Variants in CACUL1 observed in about 807,000 individuals in gnomAD.
CACUL1 encodes CDK2 associated cullin domain 1.
In CACUL1, 13 loss-of-function variants were observed where a neutral mutation model predicts 45.2. That is an observed-to-expected ratio of 0.29 (90% CI 0.19 to 0.46). CACUL1 has a LOEUF of 0.46. Among genes scored for constraint, CACUL1 ranks in the 20% least tolerant of loss-of-function variants. The pLI, the probability that CACUL1 is intolerant of heterozygous loss-of-function variation, is 1.00. For synonymous variants in CACUL1, 197 were observed against 174.2 expected (o/e 1.13, Z -1.03); for missense variants, 421 against 471.4 (o/e 0.89, Z 0.99).
rs779897372 is a variant in CACUL1 at position 118,730,348 on chromosome 10, T to C, written c.430A>G (p.Ile144Val). The part of the protein sequence containing the change: ...STYWPKLDGA[I>V]DQLLTQSPGD... Reference sequence around the variant, plus strand: ...GGACTCTGAGTTAAAAGTTGATCTATGGCACCATCCAATTTTGGCCAGTAT... The same window carrying C: ...GGACTCTGAGTTAAAAGTTGATCTACGGCACCATCCAATTTTGGCCAGTAT... The change falls in exon 2 of 9, where the codon ATA becomes GTA. Residue 144 changes from isoleucine to valine, a missense_variant. This residue lies in a region of CACUL1 where 208 missense variants were observed against 298.4 expected (regional missense o/e 0.70). Coordinates refer to ENST00000369151, the MANE Select transcript of CACUL1 (RefSeq NM_153810.5). 1.9e-6 allele frequency: 3 copies of C among 1,613,928 alleles called. No homozygotes were observed. Among genetic ancestry groups the C allele is most frequent in the Non-Finnish European group, 2.5e-6 (3 of 1,179,766 alleles).
rs1491345035 is a variant in CACUL1 at position 118,680,307 on chromosome 10, AAG to A, written c.*5819_*5820del. The A allele has an allele frequency of 6.6e-6, 1 of 152,218 alleles. No homozygotes were observed. The highest frequency in any genetic ancestry group is 1.5e-5 in the Non-Finnish European group (1 of 68,042). 9.4% of individuals were successfully genotyped at this position (152,218 alleles called of 1,614,324 possible). A position where few individuals can be genotyped will look rare whatever the true frequency, so the allele number is the denominator to read the frequency against. On this transcript the variant is annotated 3_prime_UTR_variant, in exon 9 of 9. Coordinates refer to ENST00000369151, the MANE Select transcript of CACUL1 (RefSeq NM_153810.5). ...TAAAAAACAAACCTGCTAAAAGGGA[AAG>A]AGTTTAAATGACACCCTACTTAACT...
At chr10:118,721,743 G>T (rs1284174255) in intron 3 of CACUL1, among the ~76,000 whole-genome samples, 2 of 151,956 alleles carry the variant, frequency 1.3e-5, no homozygotes, top group African/African-American at 4.8e-5. Flanking sequence ...ACTGACAAAA[G>T]AACTGTTAAT....
At position 118,754,438 on chromosome 10, in the gene CACUL1, C is replaced by T. The variant is rs1386602839; in HGVS notation, c.325G>A (p.Ala109Thr). 8 of 1,590,908 alleles carry T rather than the reference C, an allele frequency of 5.0e-6. No individual in the cohort carries two copies. Among genetic ancestry groups the T allele is most frequent in the African/African-American group, 1.3e-5 (1 of 74,170 alleles). The change falls in exon 1 of 9, where the codon GCC becomes ACC. Residue 109 changes from alanine to threonine, a missense_variant. This residue lies in a region of CACUL1 where 213 missense variants were observed against 173.1 expected (regional missense o/e 1.23). Transcript: ENST00000369151. ...AVAKAAPAPT[A>T]SSTININTST... ...GTGTTGATGTTGATGGTGGAGCTGG[C>T]GGTGGGGGCGGGGGCCGCCTTGGCC...
At chr10:118,700,065 C>A (rs539649692) in intron 5 of CACUL1, among the ~76,000 whole-genome samples, 3 of 152,118 alleles carry the variant, frequency 2.0e-5, no homozygotes, top group Non-Finnish European at 4.4e-5. Context: ...AAAACCCTGC[C>A]TTTCTAAACT....
At chr10:118,722,477 TCAGCACTTTGTC>T (rs746342355) in intron 3 of CACUL1, among the ~76,000 whole-genome samples, 35 of 152,128 alleles carry the variant, frequency 2.3e-4, no homozygotes, top group East Asian at 3.9e-4. Context: ...GAGATATCTG[TCAGCACTTTGTC>T]CAGCACTTTG....
chr10:118,676,872 A>G lies in CACUL1; in HGVS notation c.*9256T>C, dbSNP rs10047316. On this transcript the variant is annotated 3_prime_UTR_variant, in exon 9 of 9. Coordinates refer to ENST00000369151, the MANE Select transcript of CACUL1 (RefSeq NM_153810.5). ...CACACACACACACACACACACACAC[A>G]CTGGGGTGTGCACACTACGGCATTA... 119,297 of 151,076 alleles carry G rather than the reference A, an allele frequency of 0.79. 47,100 individuals carry two copies. Among genetic ancestry groups the G allele is most frequent in the Admixed American group, 0.82 (12,523 of 15,192 alleles). The allele number at this position is 151,076 out of a possible 1,614,324, so 9.4% of individuals were successfully genotyped here. A position where few individuals can be genotyped will look rare whatever the true frequency, so the allele number is the denominator to read the frequency against.
intron 4 of CACUL1, among the ~76,000 whole-genome samples, chr10:118,706,625 G>C (rs10787855): frequency 0.75 from 114,408 of 152,114 alleles, 43,171 homozygotes; most frequent in Non-Finnish European, 0.79. Flanking sequence ...AAAAGAAAAG[G>C]CTTTTTATAC....
chr10:118,696,558 G>A (rs1845325358), intron 5 of CACUL1, among the ~76,000 whole-genome samples: 1 of 152,222 alleles, frequency 6.6e-6, no homozygotes, highest in South Asian at 2.1e-4. Context: ...GCAGAGAATT[G>A]CTTGAACCTG....
intron 1 of CACUL1, among the ~76,000 whole-genome samples, chr10:118,736,603 G>A (rs1308915020): frequency 3.3e-5 from 5 of 151,984 alleles, no homozygotes; most frequent in African/African-American, 7.3e-5. Flanking sequence ...TTGGCCTCCC[G>A]AAGTGCTGGG....
intron 3 of CACUL1, among the ~76,000 whole-genome samples, chr10:118,725,509 G>A (rs904494439): frequency 5.3e-5 from 8 of 152,088 alleles, no homozygotes; most frequent in Admixed American, 3.3e-4. Flanking sequence ...GACGAGAAAA[G>A]AGCCTGGTTT....
chr10:118,754,057 T>C (rs1338251422), intron 1 of CACUL1, among the ~76,000 whole-genome samples: 1 of 152,200 alleles, frequency 6.6e-6, no homozygotes, highest in Non-Finnish European at 1.5e-5. Flanking sequence ...AGGGTGAAAC[T>C]TCAAGAGAAG....
chr10:118,722,661 A>G (rs531693325), intron 3 of CACUL1, among the ~76,000 whole-genome samples: 6 of 152,368 alleles, frequency 3.9e-5, no homozygotes, highest in African/African-American at 1.4e-4. Context: ...CAATTCAGAT[A>G]TGCCAAAGAG....
rs1845129586 is a variant in CACUL1 at position 118,679,327 on chromosome 10, G to C, written c.*6801C>G. The stretch of plus-strand genomic sequence containing the variant: ...AAGTTCTTGTGCCTGAGCCACCCAA[G>C]CAGCTGGGATTACAGGTGTATGCCA... On this transcript the variant is annotated 3_prime_UTR_variant, in exon 9 of 9. Transcript: ENST00000369151. The C allele has an allele frequency of 6.6e-6, 1 of 152,044 alleles. No homozygotes were observed. The highest frequency in any genetic ancestry group is 1.5e-5 in the Non-Finnish European group (1 of 68,020). 9.4% of individuals were successfully genotyped at this position (152,044 alleles called of 1,614,324 possible). A position where few individuals can be genotyped will look rare whatever the true frequency, so the allele number is the denominator to read the frequency against.
intron 4 of CACUL1, among the ~76,000 whole-genome samples, chr10:118,705,443 C>T (rs985770394): frequency 1.4e-4 from 22 of 152,150 alleles, no homozygotes; most frequent in African/African-American, 5.3e-4. Flanking sequence ...GACCTGAATG[C>T]ACAGCATTTT....
intron 3 of CACUL1, among the ~76,000 whole-genome samples, chr10:118,712,378 G>A (rs537200345): frequency 6.6e-6 from 1 of 152,368 alleles, no homozygotes; most frequent in African/African-American, 2.4e-5. Flanking sequence ...CCTGGCTCAG[G>A]GAGCTCCCAG....
Position 118,683,795 on chromosome 10 carries a change from A to G in CACUL1, c.*2333T>C, listed in dbSNP as rs1303511595. ...AAATCTTATTTCCTCTCATACTGCA[A>G]ACTCACTCAGAATTTTTTAGAATCC... On this transcript the variant is annotated 3_prime_UTR_variant, in exon 9 of 9. Transcript: ENST00000369151. 1.3e-5 allele frequency: 2 copies of G among 152,202 alleles called. No individual in the cohort carries two copies. Among genetic ancestry groups the G allele is most frequent in the Non-Finnish European group, 2.9e-5 (2 of 68,024 alleles). The allele number at this position is 152,202 out of a possible 1,614,324, so 9.4% of individuals were successfully genotyped here. A position where few individuals can be genotyped will look rare whatever the true frequency, so the allele number is the denominator to read the frequency against.
At chr10:118,753,533 C>A (rs551604974) in intron 1 of CACUL1, among the ~76,000 whole-genome samples, 92 of 152,382 alleles carry the variant, frequency 6.0e-4, no homozygotes, top group African/African-American at 1.9e-3. Flanking sequence ...GCCACGCACA[C>A]ATACACACAA....
chr10:118,718,186 T>G (rs1010493194), intron 3 of CACUL1, among the ~76,000 whole-genome samples: 4 of 152,084 alleles, frequency 2.6e-5, no homozygotes. Context: ...TTCAGGATGG[T>G]AGAAAATCCA....
intron 1 of CACUL1, among the ~76,000 whole-genome samples, chr10:118,749,363 A>G (rs1346634470): frequency 6.6e-6 from 1 of 152,126 alleles, no homozygotes; most frequent in African/African-American, 2.4e-5. Flanking sequence ...GGTGGCTTGG[A>G]TCTCCCTCAT....
Sources: gnomAD v4.1 joint callset for allele counts (sites outside exome capture counted in the v4.1 genomes callset) on GRCh38, gnomAD v4.1.1 for gene constraint, gnomAD v4.1.1 regional missense constraint, MANE v1.5 for transcripts, NCBI Gene and HGNC (gene_info 2026-07-23, HGNC 2026-07-21) for gene names.